The following IL1RAP variants were observed in gnomAD, a reference collection of about 807,000 sequenced individuals.
The protein encoded by IL1RAP is interleukin-1 receptor accessory protein.
In IL1RAP, 35 loss-of-function variants were observed where a neutral mutation model predicts 60.7. That is an observed-to-expected ratio of 0.58 (90% CI 0.44 to 0.76). The LOEUF (loss-of-function observed/expected upper bound fraction) is 0.76. Ranked by LOEUF, IL1RAP falls within the 30% of genes least tolerant of loss-of-function variation. The pLI, the probability that IL1RAP is intolerant of heterozygous loss-of-function variation, is 0.00. For synonymous variants in IL1RAP, 268 were observed against 250.9 expected (o/e 1.07, Z -0.64); for missense variants, 572 against 693.9 (o/e 0.82, Z 1.97).
intron 7 of IL1RAP, chr3:190,624,944 C>G (rs1203675433): frequency 1.1e-5 from 2 of 176,638 alleles, no homozygotes; most frequent in African/African-American, 4.8e-5. Flanking sequence ...GTGGCAGTAA[C>G]TTGAGGGTGA....
intron 1 of IL1RAP, among the ~76,000 whole-genome samples, chr3:190,537,106 C>T (rs1723533144): frequency 6.6e-6 from 1 of 152,086 alleles, no homozygotes; most frequent in Non-Finnish European, 1.5e-5. Flanking sequence ...CGTAGCCTAT[C>T]TCAAAGAGCG....
chr3:190,631,009 A>G (rs1413842216), intron 9 of IL1RAP, among the ~76,000 whole-genome samples: 1 of 152,204 alleles, frequency 6.6e-6, no homozygotes, highest in Non-Finnish European at 1.5e-5. Context: ...TTATTTGACA[A>G]AGGCTTTTAT....
chr3:190,553,466 T>G (rs947974180), intron 1 of IL1RAP, among the ~76,000 whole-genome samples: 1 of 151,954 alleles, frequency 6.6e-6, no homozygotes, highest in African/African-American at 2.4e-5. Context: ...GGGAAGAACC[T>G]CTTATTCTTA....
chr3:190,532,859 T>C (rs1236420052), intron 1 of IL1RAP, among the ~76,000 whole-genome samples: 1 of 152,168 alleles, frequency 6.6e-6, no homozygotes, highest in Non-Finnish European at 1.5e-5. Context: ...TCTGGCCTCT[T>C]CTTGCTTCCT....
At position 190,649,419 on chromosome 3, in the gene IL1RAP, T is replaced by G; in HGVS notation, c.*714T>G. On this transcript the variant is annotated 3_prime_UTR_variant, in exon 12 of 12. Transcript: ENST00000447382. ...CTGATTATCCACAGGTCAACCCACATTTTTTCATTCCTTCTCCCTATCTGC... is the reference window on the plus strand; with the variant it reads ...CTGATTATCCACAGGTCAACCCACAGTTTTTCATTCCTTCTCCCTATCTGC... 1.0e-6 allele frequency: 1 copy of G among 985,798 alleles called. No individual in the cohort carries two copies. The highest frequency in any genetic ancestry group is 1.2e-6 in the Non-Finnish European group (1 of 829,844). 61.1% of individuals were successfully genotyped at this position (985,798 alleles called of 1,614,324 possible).
At chr3:190,589,234 A>G (rs1159334809) in intron 3 of IL1RAP, among the ~76,000 whole-genome samples, 2 of 152,154 alleles carry the variant, frequency 1.3e-5, no homozygotes, top group Admixed American at 1.3e-4. Flanking sequence ...GGGAGGAGAT[A>G]CTGTTCTCTA....
chr3:190,658,723 G>A (rs1026140055), exon 12 of IL1RAP: 4 of 152,146 alleles, frequency 2.6e-5, no homozygotes, highest in African/African-American at 9.7e-5. Context: ...AAAGAAAGCA[G>A]TTTCATCTCA....
chr3:190,596,851 A>G (rs757911530), intron 3 of IL1RAP, among the ~76,000 whole-genome samples: 1 of 152,168 alleles, frequency 6.6e-6, no homozygotes, highest in Non-Finnish European at 1.5e-5. Context: ...TTAATTTGGT[A>G]TTACATGACA....
At chr3:190,589,634 C>G (rs1728769928) in intron 3 of IL1RAP, among the ~76,000 whole-genome samples, 2 of 152,158 alleles carry the variant, frequency 1.3e-5, no homozygotes, top group Admixed American at 1.3e-4. Context: ...TTGCTAGATG[C>G]ACTTTCCTTT....
chr3:190,616,990 G>GA (rs1409841197), intron 5 of IL1RAP, among the ~76,000 whole-genome samples: 1 of 152,114 alleles, frequency 6.6e-6, no homozygotes, highest in African/African-American at 2.4e-5. Context: ...AACAGTCAGG[G>GA]AAAAAAATTA....
At chr3:190,576,865 G>A (rs916075775) in intron 3 of IL1RAP, among the ~76,000 whole-genome samples, 1 of 152,178 alleles carries the variant, frequency 6.6e-6, no homozygotes, top group Non-Finnish European at 1.5e-5. Context: ...TGTAATCCCA[G>A]CACTTTGGGA....
Position 190,604,519 on chromosome 3 carries a change from A to G in IL1RAP, c.350+106A>G, listed in dbSNP as rs1192970887. ...CTGGGGAGAAGTCGGAAGCATTTAGATAGAGTTTAGTGAGGTAATTGTCTG... is the reference window on the plus strand; with the variant it reads ...CTGGGGAGAAGTCGGAAGCATTTAGGTAGAGTTTAGTGAGGTAATTGTCTG... On this transcript the variant is annotated intron_variant, in intron 4 of 11. Coordinates refer to ENST00000447382, the MANE Select transcript of IL1RAP (RefSeq NM_002182.4). 4.9e-6 allele frequency: 6 copies of G among 1,215,374 alleles called. No homozygotes were observed. In the Admixed American group the frequency reaches 7.6e-5, roughly 15 times the overall value. The allele number at this position is 1,215,374 out of a possible 1,614,324, so 75.3% of individuals were successfully genotyped here.
intron 3 of IL1RAP, among the ~76,000 whole-genome samples, chr3:190,590,452 AC>A (rs1428860985): frequency 1.3e-5 from 2 of 151,946 alleles, no homozygotes; most frequent in Non-Finnish European, 2.9e-5. Flanking sequence ...ATGGGGTTTC[AC>A]CATATTGCCC....
chr3:190,552,918 CTTAAGAAAATCCTTTT>C (rs1285739624), intron 1 of IL1RAP, among the ~76,000 whole-genome samples: 2 of 152,148 alleles, frequency 1.3e-5, no homozygotes, highest in African/African-American at 2.4e-5. Context: ...CTGAGCGGTC[CTTAAGAAAATCCTTTT>C]AACTCCCTTA....
At chr3:190,572,859 G>GTTTTTTTTTTTTTTTTTTTTTT (rs1200775636) in intron 3 of IL1RAP, among the ~76,000 whole-genome samples, 1 of 39,050 alleles carries the variant, frequency 2.6e-5, no homozygotes, top group African/African-American at 1.2e-4. Flanking sequence ...TTAATGCTTT[G>GTTTTTTTTTTTTTTTTTTTTTT]TTTTTTTTTT....
chr3:190,627,948 A>G (rs1370451124), intron 8 of IL1RAP, among the ~76,000 whole-genome samples: 1 of 151,746 alleles, frequency 6.6e-6, no homozygotes, highest in Non-Finnish European at 1.5e-5. Flanking sequence ...GTGAGCATGC[A>G]TTTTCTCTCT....
intron 5 of IL1RAP, among the ~76,000 whole-genome samples, chr3:190,611,629 T>C (rs1730832481): frequency 6.6e-6 from 1 of 152,006 alleles, no homozygotes; most frequent in Non-Finnish European, 1.5e-5. Context: ...CTTTGGAGGG[T>C]AGTAAAGGAG....
intron 1 of IL1RAP, among the ~76,000 whole-genome samples, chr3:190,542,837 C>T (rs1234665016): frequency 1.1e-4 from 17 of 151,382 alleles, no homozygotes; most frequent in Admixed American, 1.1e-3. Context: ...TTAGAAATGG[C>T]CATTCGAGTT....
chr3:190,588,485 C>A lies in IL1RAP; in HGVS notation c.65-15643C>A, dbSNP rs2108703121. On this transcript the variant is annotated intron_variant, in intron 3 of 11. Transcript: ENST00000447382. The stretch of plus-strand genomic sequence containing the variant: ...GGAATCACATGCAGCATTGGGAGTC[C>A]AAAAGTCCTCAGGGATGAGTGTCTT... Among the ~76,000 whole-genome samples the A allele has an allele frequency of 2.0e-5, 3 of 152,256 alleles. No individual in the cohort carries two copies. The Middle Eastern group carries it at 0.01, about 518-fold the overall frequency.
Sources: allele counts gnomAD v4.1 joint callset (sites outside exome capture counted in the v4.1 genomes callset), GRCh38; gene constraint gnomAD v4.1.1; transcripts MANE v1.5; gene names NCBI Gene and HGNC (gene_info 2026-07-23, HGNC 2026-07-21).